The following ARHGAP23 variants were observed in gnomAD, a reference collection of about 807,000 sequenced individuals.
ARHGAP23 encodes Rho GTPase activating protein 23.
Under a neutral mutation model 136.3 loss-of-function variants are expected in ARHGAP23, and 34 were observed. The observed-to-expected ratio is 0.25, with a 90% CI of 0.19 to 0.33. The LOEUF (loss-of-function observed/expected upper bound fraction) is 0.33. ARHGAP23 is among the 10% of genes least tolerant of loss of function. The probability of loss-of-function intolerance (pLI) is 1.00; values close to 1 mark genes in which losing one functional copy is unlikely to be tolerated. For missense variants in ARHGAP23, 1,808 were observed against 2,139.0 expected, an observed-to-expected ratio of 0.85 and a Z score of 3.05; for synonymous variants, 832 against 920.5, an observed-to-expected ratio of 0.90 and a Z score of 1.74.
intron 1 of ARHGAP23, among the ~76,000 whole-genome samples, chr17:38,439,660 T>C (rs1393741705): frequency 2.6e-5 from 4 of 152,258 alleles, no homozygotes; most frequent in Non-Finnish European, 4.4e-5. Flanking sequence ...ATTATCTCTA[T>C]TTAATAACTG....
At chr17:38,484,407 G>T (rs2040115707) in intron 16 of ARHGAP23, among the ~76,000 whole-genome samples, 1 of 152,076 alleles carries the variant, frequency 6.6e-6, no homozygotes, top group African/African-American at 2.4e-5. Context: ...ATGGGGTGAG[G>T]GCATAAACAG....
intron 1 of ARHGAP23, among the ~76,000 whole-genome samples, chr17:38,442,153 C>G (rs963915678): frequency 2.0e-5 from 3 of 152,126 alleles, no homozygotes; most frequent in Non-Finnish European, 4.4e-5. Context: ...GAGATGGGGT[C>G]TTACTATGTT....
At position 38,501,278 on chromosome 17, in the gene ARHGAP23, A is replaced by C. The variant is rs1006412335; in HGVS notation, c.3447+650A>C. ...GGATGAAAGAGGGACATCACTACAG[A>C]CCCCTAAGTTATTTTTTATTTTTTA... On this transcript the variant is annotated intron_variant, in intron 23 of 23. Coordinates refer to ENST00000622683, the MANE Select transcript of ARHGAP23 (RefSeq NM_001199417.2). Among the ~76,000 whole-genome samples, 30 of 151,336 alleles carry C rather than the reference A, an allele frequency of 2.0e-4. 1 individual carries two copies. The highest frequency in any genetic ancestry group is 1.3e-4 in the Admixed American group (2 of 15,186).
intron 6 of ARHGAP23, among the ~76,000 whole-genome samples, chr17:38,463,817 G>A (rs1597791379): frequency 2.0e-5 from 3 of 152,040 alleles, no homozygotes; most frequent in Non-Finnish European, 1.5e-5. Context: ...CACAGTACCC[G>A]AGCAGTACAC....
chr17:38,466,121 TG>T, intron 6 of ARHGAP23, 45 bp from the exon 7 acceptor site: 1 of 1,418,498 alleles, frequency 7.0e-7, no homozygotes, highest in Non-Finnish European at 9.3e-7. Flanking sequence ...CCCTACCCTG[TG>T]GGACTTGTCT....
At chr17:38,449,157 C>T (rs62073434) in intron 1 of ARHGAP23, among the ~76,000 whole-genome samples, 26,635 of 152,108 alleles carry the variant, frequency 0.18, 3,464 homozygotes, top group African/African-American at 0.37. Context: ...TTATCTCAGC[C>T]CACCTCCCTG....
intron 1 of ARHGAP23, among the ~76,000 whole-genome samples, chr17:38,437,743 C>T (rs1400348572): frequency 1.3e-5 from 2 of 151,606 alleles, no homozygotes; most frequent in Non-Finnish European, 2.9e-5. Context: ...GGAAGTTAGA[C>T]CCTCTTTTCC....
chr17:38,467,753 C>G (rs957531294), intron 7 of ARHGAP23, among the ~76,000 whole-genome samples: 1 of 152,036 alleles, frequency 6.6e-6, no homozygotes, highest in African/African-American at 2.4e-5. Context: ...TTCTTTTGTT[C>G]ATTCATTTGT....
chr17:38,493,460 G>A (rs1273122488), intron 20 of ARHGAP23, among the ~76,000 whole-genome samples: 2 of 151,992 alleles, frequency 1.3e-5, no homozygotes, highest in Admixed American at 6.6e-5. Flanking sequence ...CCAAAGTGCT[G>A]GGATTACAGG....
At position 38,477,906 on chromosome 17, in the gene ARHGAP23, C is replaced by G. The variant is rs760081587; in HGVS notation, c.2436+10C>G. The G allele has an allele frequency of 4.5e-6, 7 of 1,547,430 alleles. No homozygotes were observed. The highest frequency in any genetic ancestry group is 8.7e-7 in the Non-Finnish European group (1 of 1,146,216). On this transcript the variant is annotated intron_variant, in intron 12 of 23. Transcript: ENST00000622683. This position sits in a 1 kb window ranked among gnomAD's most constrained non-coding sequence, Gnocchi z 6.6. ...CAGGGCCGAGGGCGAGGTGAGGGCC[C>G]GGCCAGCCCGGCAGCCACAGAGGGC... is the stretch of plus-strand genomic sequence containing the variant.
At chr17:38,472,845 A>G (rs537457275) in intron 11 of ARHGAP23, among the ~76,000 whole-genome samples, 1 of 152,386 alleles carries the variant, frequency 6.6e-6, no homozygotes, top group Non-Finnish European at 1.5e-5. Context: ...TCCCTAGCTC[A>G]TAAGCCTATT....
upstream of ARHGAP23, among the ~76,000 whole-genome samples, chr17:38,427,775 C>T (rs1002287197): frequency 6.6e-5 from 10 of 152,210 alleles, no homozygotes; most frequent in Non-Finnish European, 1.3e-4. Context: ...TCGACTCCCC[C>T]TCCTCTCTGG....
intron 6 of ARHGAP23, among the ~76,000 whole-genome samples, chr17:38,464,936 G>A (rs1284965210): frequency 6.6e-6 from 1 of 152,138 alleles, no homozygotes; most frequent in African/African-American, 2.4e-5. Flanking sequence ...CCGACGCGGC[G>A]AGGCCCCTCC....
At chr17:38,426,139 T>A (rs1375439570), upstream of ARHGAP23, among the ~76,000 whole-genome samples, 3 of 151,972 alleles carry the variant, frequency 2.0e-5, no homozygotes, top group South Asian at 6.2e-4. Context: ...CAACCCTTTA[T>A]CCTGGGAGGA....
intron 1 of ARHGAP23, among the ~76,000 whole-genome samples, chr17:38,439,586 T>G (rs2038876157): frequency 6.6e-6 from 1 of 152,236 alleles, no homozygotes; most frequent in Admixed American, 6.5e-5. Flanking sequence ...GGCCAGACAC[T>G]GCTGTGCTGA....
In ARHGAP23 at chr17:38,510,526, C is replaced by G; in HGVS notation, c.4030C>G (p.Pro1344Ala). ...GRGGPRAPEP[P>A]GSASSSSQES... Reference sequence around the variant, plus strand: ...GGGCGGTCCCCGCGCCCCGGAGCCGCCCGGCTCGGCGTCGTCCAGCAGCCA... The same window carrying G: ...GGGCGGTCCCCGCGCCCCGGAGCCGGCCGGCTCGGCGTCGTCCAGCAGCCA... Residue 1344 changes from proline to alanine, a missense_variant, in exon 24 of 24, where the codon CCC (proline) becomes GCC (alanine). Physicochemically the swap from Pro to Ala is conservative, Grantham distance 27. Coordinates refer to ENST00000622683, the MANE Select transcript of ARHGAP23 (RefSeq NM_001199417.2). The surrounding 1 kb of genome is among the most constrained non-coding windows in gnomAD (Gnocchi z 4.6). 1 of 1,148,746 alleles carries G rather than the reference C, an allele frequency of 8.7e-7. No individual in the cohort carries two copies. The highest frequency in any genetic ancestry group is 1.1e-6 in the Non-Finnish European group (1 of 937,298). The allele number at this position is 1,148,746 out of a possible 1,614,324, so 71.2% of individuals were successfully genotyped here. A position where few individuals can be genotyped will look rare whatever the true frequency, so the allele number is the denominator to read the frequency against.
chr17:38,478,003 G>C (rs979800491), intron 12 of ARHGAP23, 107 bp downstream of exon 12: 3 of 1,229,370 alleles, frequency 2.4e-6, no homozygotes, highest in Non-Finnish European at 2.3e-6. Flanking sequence ...CTGCTAGAAA[G>C]GGGGGCTGAC....
At chr17:38,509,870 T>TGGACCGGGTAGAGCGGGGTC in intron 23 of ARHGAP23, 74 bp from the exon 24 acceptor site, 1 of 1,146,512 alleles carries the variant, frequency 8.7e-7, no homozygotes. Context: ...GACGTGGGGG[T>TGGACCGGGTAGAGCGGGGTC]GGACCGGGTA....
chr17:38,470,278 C>T (rs976396721), intron 10 of ARHGAP23, among the ~76,000 whole-genome samples: 2 of 152,258 alleles, frequency 1.3e-5, no homozygotes, highest in East Asian at 1.9e-4. Context: ...CTCCTCAGCA[C>T]GCCTCATGCA....
Sources: gnomAD v4.1 joint callset for allele counts (sites outside exome capture counted in the v4.1 genomes callset) on GRCh38, gnomAD v4.1.1 for gene constraint, Gnocchi (gnomAD v3.1) non-coding constraint, MANE v1.5 for transcripts, NCBI Gene and HGNC (gene_info 2026-07-23, HGNC 2026-07-21) for gene names.